The following ADGRL4 variants were observed in gnomAD, a reference collection of about 807,000 sequenced individuals.
ADGRL4 encodes adhesion G protein-coupled receptor L4, also known as EGF, latrophilin and seven transmembrane domain containing 1.
In ADGRL4, 90 loss-of-function variants were observed where a neutral mutation model predicts 74.8. The observed-to-expected ratio is 1.20, with a 90% CI of 1.02 to 1.43. The LOEUF is 1.43. Ranked by LOEUF, ADGRL4 falls within the 40% of genes most tolerant of loss-of-function variation. The pLI is 0.00. For missense variants in ADGRL4, 881 were observed against 814.3 expected, an observed-to-expected ratio of 1.08 and a Z score of -1.00; for synonymous variants, 311 against 279.2, an observed-to-expected ratio of 1.11 and a Z score of -1.14.
At chr1:78,905,111 A>T (rs1184635642) in intron 12 of ADGRL4, among the ~76,000 whole-genome samples, 1 of 152,054 alleles carries the variant, frequency 6.6e-6, no homozygotes, top group African/African-American at 2.4e-5. Flanking sequence ...CTTAATATAG[A>T]GGAGGGAAAT....
At chr1:78,930,898 C>T (rs1471375004) in intron 7 of ADGRL4, among the ~76,000 whole-genome samples, 1 of 151,286 alleles carries the variant, frequency 6.6e-6, no homozygotes, top group Admixed American at 6.6e-5. Context: ...AATTTGCTTG[C>T]TAGTACCAGA....
chr1:78,926,163 T>C (rs1236727590), intron 8 of ADGRL4, among the ~76,000 whole-genome samples: 1 of 152,104 alleles, frequency 6.6e-6, no homozygotes, highest in Non-Finnish European at 1.5e-5. Flanking sequence ...CAAATATAAT[T>C]GCTCAACTTC....
intron 8 of ADGRL4, among the ~76,000 whole-genome samples, chr1:78,926,111 ACT>A (rs1397780921): frequency 1.3e-5 from 2 of 151,970 alleles, no homozygotes; most frequent in Non-Finnish European, 2.9e-5. Flanking sequence ...GAGCAAATAT[ACT>A]CTTTTTGTTT....
At chr1:78,896,824 A>G (rs1648409238) in intron 12 of ADGRL4, among the ~76,000 whole-genome samples, 2 of 152,170 alleles carry the variant, frequency 1.3e-5, no homozygotes, top group African/African-American at 4.8e-5. Context: ...GGTCTGAATG[A>G]TTTGATCTCT....
chr1:78,966,766 A>G (rs1650064888), intron 2 of ADGRL4, among the ~76,000 whole-genome samples: 1 of 152,024 alleles, frequency 6.6e-6, no homozygotes, highest in Non-Finnish European at 1.5e-5. Context: ...TGGAGGCACC[A>G]TTTGAATAAG....
At chr1:78,891,503 C>A (rs1648271958) in intron 14 of ADGRL4, 21 bp downstream of exon 14, 1 of 1,605,938 alleles carries the variant, frequency 6.2e-7, no homozygotes, top group South Asian at 1.1e-5. Flanking sequence ...CTAGGAACCA[C>A]CAAAATAAGA....
intron 2 of ADGRL4, among the ~76,000 whole-genome samples, chr1:78,949,977 A>G (rs1048292605): frequency 6.6e-6 from 1 of 152,144 alleles, no homozygotes; most frequent in African/African-American, 2.4e-5. Context: ...AGGCATACAC[A>G]CAGCTCCTAA....
intron 12 of ADGRL4, among the ~76,000 whole-genome samples, chr1:78,916,051 C>T (rs1648866026): frequency 6.6e-6 from 1 of 151,752 alleles, no homozygotes; most frequent in Non-Finnish European, 1.5e-5. Flanking sequence ...TAGCTCCAGA[C>T]TAGAACAATG....
At chr1:78,966,300 C>T (rs1408612842) in intron 2 of ADGRL4, among the ~76,000 whole-genome samples, 1 of 152,066 alleles carries the variant, frequency 6.6e-6, no homozygotes, top group Non-Finnish European at 1.5e-5. Flanking sequence ...GCGGAAAGTC[C>T]CTGTTTTCCT....
intron 2 of ADGRL4, among the ~76,000 whole-genome samples, chr1:78,956,487 A>G (rs1196711299): frequency 6.6e-6 from 1 of 152,142 alleles, no homozygotes; most frequent in African/African-American, 2.4e-5. Flanking sequence ...GTATGTGAAA[A>G]ACAGTATTTG....
chr1:78,926,773 C>A, intron 8 of ADGRL4, 113 bp downstream of exon 8: 1 of 763,354 alleles, frequency 1.3e-6, no homozygotes. Context: ...CTTTTAATTT[C>A]AAATCTGTAT....
Position 78,936,387 on chromosome 1 carries a change from G to T in ADGRL4, c.785C>A (p.Ser262Ter). 6.4e-7 allele frequency: 1 copy of T among 1,563,080 alleles called. No homozygotes were observed. The highest frequency in any genetic ancestry group is 1.2e-5 in the South Asian group (1 of 82,278). Residue 262 changes from serine to a stop codon, truncating the protein, a stop_gained, in exon 7 of 15, where the codon TCA (serine) becomes TAA (stop). Coordinates refer to ENST00000370742, the MANE Select transcript of ADGRL4 (RefSeq NM_022159.4). LOFTEE classifies it high-confidence loss of function. ...AGGATGAATATGTTTCATGTTATAT[G>T]AATCAAAAAAGAAAACTTTGAGAGC... Reference protein sequence around the residue: ...DIALKVFFFDSYNMKHIHPHM... With the variant: ...DIALKVFFFD
At chr1:78,965,856 AT>A (rs1369642752) in intron 2 of ADGRL4, among the ~76,000 whole-genome samples, 1 of 152,226 alleles carries the variant, frequency 6.6e-6, no homozygotes, top group African/African-American at 2.4e-5. Context: ...TGGCTTTTAA[AT>A]CTGACAGCTG....
At chr1:78,920,424 C>A in intron 9 of ADGRL4, 38 bp from the exon 10 acceptor site, 2 of 1,319,594 alleles carry the variant, frequency 1.5e-6, no homozygotes, top group Non-Finnish European at 2.1e-6. Context: ...AAAAGAATAA[C>A]TCACTAAGTT....
At chr1:79,002,153 T>C (rs1261106648) in intron 2 of ADGRL4, among the ~76,000 whole-genome samples, 1 of 152,094 alleles carries the variant, frequency 6.6e-6, no homozygotes, top group Non-Finnish European at 1.5e-5. Context: ...TGCATGAAAA[T>C]TATTCATTTA....
At chr1:78,929,976 A>G (rs909823685) in intron 7 of ADGRL4, among the ~76,000 whole-genome samples, 7 of 151,518 alleles carry the variant, frequency 4.6e-5, no homozygotes, top group Non-Finnish European at 8.8e-5. Context: ...TCCTAAATAC[A>G]AAATGTATGC....
chr1:78,907,830 A>C (rs1426815175), intron 12 of ADGRL4, among the ~76,000 whole-genome samples: 1 of 152,008 alleles, frequency 6.6e-6, no homozygotes, highest in East Asian at 1.9e-4. Flanking sequence ...GAAGGTGAGC[A>C]GCAGACAGGG....
chr1:78,946,233 A>C, intron 3 of ADGRL4, 41 bp downstream of exon 3: 3 of 1,539,992 alleles, frequency 1.9e-6, no homozygotes, highest in Non-Finnish European at 2.6e-6. Flanking sequence ...AACAAACAAT[A>C]AGAGATATAT....
chr1:78,970,494 C>T (rs913127081), intron 2 of ADGRL4, among the ~76,000 whole-genome samples: 3 of 152,098 alleles, frequency 2.0e-5, no homozygotes, highest in Non-Finnish European at 2.9e-5. Flanking sequence ...GTCATGGGTG[C>T]AAGCCACTTT....
Sources: gnomAD v4.1 joint callset for allele counts (sites outside exome capture counted in the v4.1 genomes callset) on GRCh38, gnomAD v4.1.1 for gene constraint, MANE v1.5 for transcripts, NCBI Gene and HGNC (gene_info 2026-07-23, HGNC 2026-07-21) for gene names.